The following OR6A2 variants were observed in gnomAD, a reference collection of about 807,000 sequenced individuals.
OR6A2 encodes the protein olfactory receptor 6A2.
Under a neutral mutation model 7.1 loss-of-function variants are expected in OR6A2, and 6 were observed. The ratio of observed to expected loss-of-function variants is 0.85; its 90% CI spans 0.46 to 1.68. The LOEUF (loss-of-function observed/expected upper bound fraction) is 1.68. OR6A2 is among the 40% of genes most tolerant of loss of function. OR6A2 has a pLI of 0.01. For missense variants in OR6A2, 431 were observed against 398.0 expected (o/e 1.08, Z -0.71); for synonymous variants, 162 against 152.1 (o/e 1.06, Z -0.48).
chr11:6,794,585 G>A lies in OR6A2; in HGVS notation c.*140C>T. The A allele has an allele frequency of 8.8e-7, 1 of 1,133,598 alleles. No homozygotes were observed. The highest frequency in any genetic ancestry group is 1.2e-6 in the Non-Finnish European group (1 of 801,436). 70.2% of individuals were successfully genotyped at this position (1,133,598 alleles called of 1,614,324 possible). The stretch of plus-strand genomic sequence containing the variant: ...TATTCCTCTCTCTCCTCTTGGACTA[G>A]TTAAAGAAAGTATTCCTAGTTCCAT... On this transcript the variant is annotated 3_prime_UTR_variant, in exon 2 of 2. Transcript: ENST00000641196.
chr11:6,798,831 AGATT>A (rs2133036756), intron 1 of OR6A2, among the ~76,000 whole-genome samples: 1 of 152,272 alleles, frequency 6.6e-6, no homozygotes, highest in South Asian at 2.1e-4. Context: ...TCTATACACT[AGATT>A]ATTTGTTGCA....
Position 6,794,990 on chromosome 11 carries a change from T to C in OR6A2, c.719A>G (p.Tyr240Cys), listed in dbSNP as rs781378635. ...VMHIPSAAGRYKAFSTCASHL... is the reference protein window; with the variant it reads ...VMHIPSAAGRCKAFSTCASHL... ...AGAGGCACAGGTGGAAAAGGCCTTATAGCGTCCAGCAGCCGAAGGAATGTG... is the reference window on the plus strand; with the variant it reads ...AGAGGCACAGGTGGAAAAGGCCTTACAGCGTCCAGCAGCCGAAGGAATGTG... Residue 240 changes from tyrosine to cysteine, a missense_variant, in exon 2 of 2, where the codon TAT (tyrosine) becomes TGT (cysteine). Physicochemically the swap from Tyr to Cys is radical, Grantham distance 194. Transcript: ENST00000641196. 1.1e-5 allele frequency: 17 copies of C among 1,613,954 alleles called. No individual in the cohort carries two copies. The highest frequency in any genetic ancestry group is 1.7e-5 in the Admixed American group (1 of 59,978).
chr11:6,795,461 A>T lies in OR6A2; in HGVS notation c.248T>A (p.Leu83His), dbSNP rs764932804. 1.7e-5 allele frequency: 27 copies of T among 1,614,180 alleles called. No individual in the cohort carries two copies. Among genetic ancestry groups the T allele is most frequent in the Non-Finnish European group, 2.3e-5 (27 of 1,180,010 alleles). Residue 83 changes from leucine to histidine, a missense_variant, in exon 2 of 2, where the codon CTT becomes CAT. Coordinates refer to ENST00000641196, the MANE Select transcript of OR6A2 (RefSeq NM_003696.3). ...WYVTVTIPKMLAGFVGSKQDH... is the reference protein window; with the variant it reads ...WYVTVTIPKMHAGFVGSKQDH... Reference sequence around the variant, plus strand: ...CTGTTTGGATCCAACAAAGCCAGCAAGCATCTTGGGAATAGTGACAGTGAC... The same window carrying T: ...CTGTTTGGATCCAACAAAGCCAGCATGCATCTTGGGAATAGTGACAGTGAC...
In OR6A2 at chr11:6,794,411, T is replaced by G; in HGVS notation, c.*314A>C. ...ACCTAATAGAGATCTTATCAAAAAG[T>G]CTTGTGTTGCTTTTCCGTAATGAAG... On this transcript the variant is annotated 3_prime_UTR_variant, in exon 2 of 2. Transcript: ENST00000641196. The G allele has an allele frequency of 3.2e-6, 1 of 315,258 alleles. No homozygotes were observed. The highest frequency in any genetic ancestry group is 5.8e-6 in the Non-Finnish European group (1 of 171,250). The allele number at this position is 315,258 out of a possible 1,614,324, so 19.5% of individuals were successfully genotyped here.
In OR6A2 at chr11:6,795,524, A is replaced by C. The variant is rs1293050034; in HGVS notation, c.185T>G (p.Phe62Cys). The C allele has an allele frequency of 6.2e-7, 1 of 1,614,034 alleles. No homozygotes were observed. Among genetic ancestry groups the C allele is most frequent in the African/African-American group, 1.3e-5 (1 of 74,926 alleles). The change falls in exon 2 of 2, where the codon TTT becomes TGT. Residue 62 changes from phenylalanine to cysteine, a missense_variant. Transcript: ENST00000641196. The stretch of plus-strand genomic sequence containing the variant: ...CAGAAAGGACATATTAGCTAGAAAA[A>C]AGTACATGGGTTTGTGGAGGGTAGA... ...NHSTLHKPMY[F>C]FLANMSFLEI...
rs1847714009 is a variant in OR6A2 at position 6,793,689 on chromosome 11, T to G, written c.*1036A>C. ...TTGATACTGTTATATAACATAATAT[T>G]TTTATTAAGTTAGAAATATTTTTTC... is the stretch of plus-strand genomic sequence containing the variant. On this transcript the variant is annotated 3_prime_UTR_variant, in exon 2 of 2. Transcript: ENST00000641196. 6.6e-6 allele frequency: 1 copy of G among 152,154 alleles called. No individual in the cohort carries two copies. The highest frequency in any genetic ancestry group is 2.4e-5 in the African/African-American group (1 of 41,422). 9.4% of individuals were successfully genotyped at this position (152,154 alleles called of 1,614,324 possible).
Position 6,795,373 on chromosome 11 carries a change from C to T in OR6A2, c.336G>A (p.Leu112=), listed in dbSNP as rs1306620526. The T allele has an allele frequency of 6.2e-7, 1 of 1,613,980 alleles. No homozygotes were observed. Among genetic ancestry groups the T allele is most frequent in the Non-Finnish European group, 8.5e-7 (1 of 1,179,954 alleles). ...CGAGAAGGACACACTCAGTGCAGCC[C>T]AAGCCAAGGAAAAAGTAGAGCTGTG... ...CMTQLYFFLG[L]GCTECVLLAV... Residue 112 remains leucine (L), a synonymous_variant, in exon 2 of 2, where the codon TTG becomes TTA. Transcript: ENST00000641196.
rs945581279 is a variant in OR6A2 at position 6,794,691 on chromosome 11, T to G, written c.*34A>C. On this transcript the variant is annotated 3_prime_UTR_variant, in exon 2 of 2. Transcript: ENST00000641196. ...TTCATAGAACACATTGATCCCAAGT[T>G]TAATAGCATTTTATCAGATTTCACA... The G allele has an allele frequency of 1.9e-6, 3 of 1,595,594 alleles. No homozygotes were observed. In the African/African-American group the frequency reaches 4.0e-5, roughly 21 times the overall value.
rs149977946 is a variant in OR6A2 at position 6,795,021 on chromosome 11, C to T, written c.688G>A (p.Val230Met). Residue 230 changes from valine to methionine, a missense_variant, in exon 2 of 2, where the codon GTG (valine) becomes ATG (methionine). Physicochemically the swap from Val to Met is conservative, Grantham distance 21. Transcript: ENST00000641196. ...GASYVAITGA[V>M]MHIPSAAGRY... The stretch of plus-strand genomic sequence containing the variant: ...CCAGCAGCCGAAGGAATGTGCATCA[C>T]AGCACCAGTAATGGCCACATAGGAG... The T allele has an allele frequency of 1.8e-4, 293 of 1,614,136 alleles. No homozygotes were observed. Among genetic ancestry groups the T allele is most frequent in the Middle Eastern group, 1.8e-3 (11 of 6,062 alleles).
rs1847731107 is a variant in OR6A2 at position 6,795,091 on chromosome 11, G to A, written c.618C>T (p.Ile206=). Residue 206 remains isoleucine, a synonymous_variant, in exon 2 of 2, where the codon ATC becomes ATT. Coordinates refer to ENST00000641196, the MANE Select transcript of OR6A2 (RefSeq NM_003696.3). The part of the protein sequence containing the change: ...DMSTAELTDF[I]LAIFILLGPL... ...GCCCTAGAAGAATAAAAATGGCCAG[G>A]ATGAAATCTGTAAGCTCTGCTGTGG... 1 of 1,614,128 alleles carries A rather than the reference G, an allele frequency of 6.2e-7. No individual in the cohort carries two copies. The highest frequency in any genetic ancestry group is 8.5e-7 in the Non-Finnish European group (1 of 1,180,018).
Position 6,794,561 on chromosome 11 carries a change from A to G in OR6A2, c.*164T>C. 2 of 855,916 alleles carry G rather than the reference A, an allele frequency of 2.3e-6. No homozygotes were observed. Among genetic ancestry groups the G allele is most frequent in the Non-Finnish European group, 3.5e-6 (2 of 565,502 alleles). The allele number at this position is 855,916 out of a possible 1,614,324, so 53.0% of individuals were successfully genotyped here. A position where few individuals can be genotyped will look rare whatever the true frequency, so the allele number is the denominator to read the frequency against. ...AAATCCATTTTCTAGCTTGCAACCT[A>G]TTCCTCTCTCTCCTCTTGGACTAGT... is the stretch of plus-strand genomic sequence containing the variant. On this transcript the variant is annotated 3_prime_UTR_variant, in exon 2 of 2. Transcript: ENST00000641196.
chr11:6,795,176 A>C lies in OR6A2; in HGVS notation c.533T>G (p.Ile178Ser). ...ISGLSYCGPN[I>S]INHFFCDVSP... ...GACATCACAGAAAAAGTGGTTGATG[A>C]TGTTGGGGCCACAGTAAGAGAGGCC... is the stretch of plus-strand genomic sequence containing the variant. The change falls in exon 2 of 2, where the codon ATC becomes AGC. Residue 178 changes from isoleucine (I) to serine (S), a missense_variant. Transcript: ENST00000641196. 6.2e-7 allele frequency: 1 copy of C among 1,614,118 alleles called. No homozygotes were observed. The highest frequency in any genetic ancestry group is 8.5e-7 in the Non-Finnish European group (1 of 1,180,018).
rs185600393 is a variant in OR6A2 at position 6,793,738 on chromosome 11, C to T, written c.*987G>A. 2 of 152,156 alleles carry T rather than the reference C, an allele frequency of 1.3e-5. No homozygotes were observed. Among genetic ancestry groups the T allele is most frequent in the East Asian group, 3.9e-4 (2 of 5,190 alleles). The allele number at this position is 152,156 out of a possible 1,614,324, so 9.4% of individuals were successfully genotyped here. On this transcript the variant is annotated 3_prime_UTR_variant, in exon 2 of 2. Transcript: ENST00000641196. ...TCTTTCATTAACTCTATTTAGATCA[C>T]TTTATTTCAATTTCTGCATAGTTTT...
rs7122644 is a variant in OR6A2 at position 6,795,644 on chromosome 11, G to A, written c.65C>T (p.Ala22Val). 462,232 of 1,613,606 alleles carry A rather than the reference G, an allele frequency of 0.29. 67,795 individuals are homozygous for A. Among genetic ancestry groups the A allele is most frequent in the East Asian group, 0.43 (19,343 of 44,860 alleles). The change falls in exon 2 of 2, where the codon GCG becomes GTG. Residue 22 changes from alanine to valine, a missense_variant. Physicochemically the swap from Ala to Val is moderately conservative, Grantham distance 64. Transcript: ENST00000641196. ...GGCAAACAATAGTACCTGTAGTGGC[G>A]CAGGAGCAGGGAAGCCCAGCAACAC... ...EFVLLGFPAP[A>V]PLQVLLFALL... is the part of the protein sequence containing the mutation.
chr11:6,796,933 T>C (rs1847753935), intron 1 of OR6A2, among the ~76,000 whole-genome samples: 1 of 152,086 alleles, frequency 6.6e-6, no homozygotes. Flanking sequence ...CAGCTGAGCA[T>C]CTGGGTGCGA....
chr11:6,797,959 T>G (rs1238461819), intron 1 of OR6A2, among the ~76,000 whole-genome samples: 1 of 147,964 alleles, frequency 6.8e-6, no homozygotes, highest in Non-Finnish European at 1.5e-5. Context: ...CATTAGGTAC[T>G]TTTTTTTTTT....
In OR6A2 at chr11:6,794,427, C is replaced by T. The variant is rs1847721783; in HGVS notation, c.*298G>A. On this transcript the variant is annotated 3_prime_UTR_variant, in exon 2 of 2. Coordinates refer to ENST00000641196, the MANE Select transcript of OR6A2 (RefSeq NM_003696.3). Reference sequence around the variant, plus strand: ...ATCAAAAAGTCTTGTGTTGCTTTTCCGTAATGAAGCCTGTGCTTCCTTGAT... The same window carrying T: ...ATCAAAAAGTCTTGTGTTGCTTTTCTGTAATGAAGCCTGTGCTTCCTTGAT... 5.8e-6 allele frequency: 2 copies of T among 345,892 alleles called. No homozygotes were observed. Among genetic ancestry groups the T allele is most frequent in the Admixed American group, 8.5e-5 (2 of 23,492 alleles). 21.4% of individuals were successfully genotyped at this position (345,892 alleles called of 1,614,324 possible).
intron 1 of OR6A2, among the ~76,000 whole-genome samples, chr11:6,796,608 G>A (rs866391363): frequency 2.0e-5 from 3 of 152,196 alleles, no homozygotes; most frequent in Non-Finnish European, 4.4e-5. Context: ...CTGGATGGCA[G>A]AAAGACTAAG....
chr11:6,794,491 T>G lies in OR6A2; in HGVS notation c.*234A>C, dbSNP rs1002987654. Reference sequence around the variant, plus strand: ...ATGCAAATTACAAAGGGACAGACAATAGTGGACCCAGCTCTATCCTGTATT... The same window carrying G: ...ATGCAAATTACAAAGGGACAGACAAGAGTGGACCCAGCTCTATCCTGTATT... On this transcript the variant is annotated 3_prime_UTR_variant, in exon 2 of 2. Transcript: ENST00000641196. 5.8e-6 allele frequency: 3 copies of G among 516,208 alleles called. No homozygotes were observed. Among genetic ancestry groups the G allele is most frequent in the Non-Finnish European group, 1.0e-5 (3 of 293,532 alleles). 32.0% of individuals were successfully genotyped at this position (516,208 alleles called of 1,614,324 possible).
Sources: gnomAD v4.1 joint callset for allele counts (sites outside exome capture counted in the v4.1 genomes callset) on GRCh38, gnomAD v4.1.1 for gene constraint, MANE v1.5 for transcripts, NCBI Gene and HGNC (gene_info 2026-07-23, HGNC 2026-07-21) for gene names.